POLI: variants seen among roughly 807,000 people sequenced by gnomAD.
The protein encoded by POLI is DNA polymerase iota.
POLI carries 58 observed loss-of-function variants against 51.6 expected under a neutral mutation model. That is an observed-to-expected ratio of 1.12 (90% CI 0.91 to 1.40). The LOEUF is 1.40. POLI is among the 40% of genes most tolerant of loss of function. POLI has a pLI of 0.00. For synonymous variants in POLI, 322 were observed against 299.7 expected (o/e 1.07, Z -0.77); for missense variants, 921 against 871.3 (o/e 1.06, Z -0.72).
intron 4 of POLI, among the ~76,000 whole-genome samples, chr18:54,280,420 A>G (rs2087442115): frequency 1.3e-5 from 2 of 152,142 alleles, no homozygotes; most frequent in African/African-American, 4.8e-5. Context: ...GCTTTAATCT[A>G]TTCATGAGGG....
chr18:54,271,518 TAATG>T, intron 2 of POLI, 33 bp downstream of exon 2: 3 of 1,410,490 alleles, frequency 2.1e-6, no homozygotes, highest in Non-Finnish European at 2.9e-6. Context: ...TTTAATTGCA[TAATG>T]ATTAGATTAG....
chr18:54,273,987 GA>G lies in POLI; in HGVS notation c.306del (p.Lys102AsnfsTer3). 1 of 1,583,578 alleles carries G rather than the reference GA, an allele frequency of 6.3e-7. No homozygotes were observed. The highest frequency in any genetic ancestry group is 8.6e-7 in the Non-Finnish European group (1 of 1,163,136). ...ATGAAGCTAGGAAACTTGGAGTTAA[GA>G]AACTTATGAATGTCAGAGATGCAAA... Reference protein sequence around the residue: ...NYEARKLGVKKLMNVRDAKEK... With the variant: ...NYEARKLGVKXLMNVRDAKEK... On this transcript the variant is annotated frameshift_variant, in exon 3 of 10. Coordinates refer to ENST00000579534, the MANE Select transcript of POLI (RefSeq NM_007195.3). LOFTEE classifies it high-confidence loss of function.
At position 54,284,003 on chromosome 18, in the gene POLI, C is replaced by G; in HGVS notation, c.1057C>G (p.Leu353Val). The change falls in exon 7 of 10, where the codon CTT becomes GTT. Residue 353 changes from leucine (L) to valine (V), a missense_variant. Transcript: ENST00000579534. ...TAAGATTGAAGAACTACTTGCTAGT[C>G]TTTTAAACAGGTGATTTTCAATCCA... ...KNKIEELLAS[L>V]LNRVCQDGRK... 7.2e-7 allele frequency: 1 copy of G among 1,385,928 alleles called. No individual in the cohort carries two copies. The highest frequency in any genetic ancestry group is 1.0e-6 in the Non-Finnish European group (1 of 989,482). The allele number at this position is 1,385,928 out of a possible 1,614,324, so 85.9% of individuals were successfully genotyped here.
intron 8 of POLI, among the ~76,000 whole-genome samples, chr18:54,290,901 A>C (rs1471466705): frequency 1.3e-5 from 2 of 152,164 alleles, no homozygotes; most frequent in African/African-American, 2.4e-5. Context: ...AGGTGTAGCA[A>C]ACTAACACGG....
intron 2 of POLI, 69 bp downstream of exon 2, chr18:54,271,554 T>A: frequency 1.9e-6 from 2 of 1,062,970 alleles, no homozygotes; most frequent in Non-Finnish European, 2.7e-6. Context: ...GCTCATTATA[T>A]ACTGATTTAT....
At chr18:54,306,573 A>G (rs531159365) in intron 3 of POLI, among the ~76,000 whole-genome samples, 89 of 152,276 alleles carry the variant, frequency 5.8e-4, no homozygotes, top group African/African-American at 2.1e-3. Context: ...TGGTATCAGG[A>G]TGATGCTGGC....
intron 2 of POLI, among the ~76,000 whole-genome samples, chr18:54,272,011 G>A (rs768715187): frequency 3.3e-5 from 5 of 152,132 alleles, no homozygotes; most frequent in Non-Finnish European, 2.9e-5. Flanking sequence ...TTGGATATTT[G>A]TTGATATGCT....
rs1422678602 is a variant in POLI, at chr18:54,296,597, T to C, written c.*2130T>C. 6.2e-6 allele frequency: 1 copy of C among 160,672 alleles called. No individual in the cohort carries two copies. The highest frequency in any genetic ancestry group is 1.3e-5 in the Non-Finnish European group (1 of 75,850). 10.0% of individuals were successfully genotyped at this position (160,672 alleles called of 1,614,324 possible). On this transcript the variant is annotated 3_prime_UTR_variant, in exon 10 of 10. Transcript: ENST00000579534. The stretch of plus-strand genomic sequence containing the variant: ...ATATTTCTTCTCTATTCTAGGACTG[T>C]ATACAAATGATAGACTTTCTTACTG...
intron 2 of POLI, among the ~76,000 whole-genome samples, chr18:54,273,001 A>G (rs1367724647): frequency 6.7e-6 from 1 of 149,508 alleles, no homozygotes; most frequent in African/African-American, 2.6e-5. Flanking sequence ...ACAATGTCTA[A>G]TAGAGAAGTG....
downstream of POLI, among the ~76,000 whole-genome samples, chr18:54,298,659 T>G (rs1408218526): frequency 1.3e-5 from 2 of 149,620 alleles, no homozygotes; most frequent in African/African-American, 4.9e-5. Flanking sequence ...GGTGTGATCT[T>G]GACTCACTGC....
intron 3 of POLI, among the ~76,000 whole-genome samples, chr18:54,275,752 G>A (rs1304454366): frequency 1.3e-5 from 2 of 152,046 alleles, no homozygotes; most frequent in Non-Finnish European, 2.9e-5. Flanking sequence ...ACTTGCACCT[G>A]TTTTTAATTT....
chr18:54,269,804 C>T (rs2086919419), intron 1 of POLI, 143 bp downstream of exon 1: 1 of 1,369,640 alleles, frequency 7.3e-7, no homozygotes. Flanking sequence ...CCTCCCTCTG[C>T]CTTGTGTTAC....
At chr18:54,293,623 A>G (rs780768069) in intron 9 of POLI, 26 bp from the exon 10 acceptor site, 1 of 1,456,480 alleles carries the variant, frequency 6.9e-7, no homozygotes, top group South Asian at 1.4e-5. Context: ...AGATATGTAA[A>G]TTAGTCTGTT....
intron 8 of POLI, among the ~76,000 whole-genome samples, chr18:54,289,743 A>G (rs1221828633): frequency 2.6e-5 from 4 of 152,186 alleles, no homozygotes; most frequent in Admixed American, 6.5e-5. Context: ...TTCCCTATAT[A>G]ATAAATGGTG....
At chr18:54,302,903 T>C (rs760998088), downstream of POLI, among the ~76,000 whole-genome samples, 7 of 152,200 alleles carry the variant, frequency 4.6e-5, no homozygotes, top group Non-Finnish European at 8.8e-5. Flanking sequence ...TAATTTCACT[T>C]AACATAACAA....
chr18:54,312,716 A>AT (rs1010009766), intron 3 of POLI, among the ~76,000 whole-genome samples: 2 of 151,980 alleles, frequency 1.3e-5, no homozygotes, highest in Non-Finnish European at 2.9e-5. Flanking sequence ...AGTGATAAGC[A>AT]TTTTTTTCAT....
downstream of POLI, among the ~76,000 whole-genome samples, chr18:54,301,668 C>T (rs1486826882): frequency 6.6e-6 from 1 of 152,148 alleles, no homozygotes; most frequent in Non-Finnish European, 1.5e-5. Context: ...GAATTCTGAA[C>T]TCTAGCTGTT....
rs562514801 is a variant in POLI at position 54,292,128 on chromosome 18, A to G, written c.1404+90A>G. ...ACAAATCTAAGTGCTTGTCTTTTTG[A>G]TATAGTTTAGAGATTCTTTTGGGTG... On this transcript the variant is annotated intron_variant, in intron 9 of 9. Transcript: ENST00000579534. 2.6e-4 allele frequency: 207 copies of G among 796,284 alleles called. No individual in the cohort carries two copies. The African/African-American group carries it at 3.4e-3, about 13-fold the overall frequency. 49.3% of individuals were successfully genotyped at this position (796,284 alleles called of 1,614,324 possible). A position where few individuals can be genotyped will look rare whatever the true frequency, so the allele number is the denominator to read the frequency against.
intron 2 of POLI, 73 bp downstream of exon 2, chr18:54,271,558 G>A: frequency 9.6e-7 from 1 of 1,045,636 alleles, no homozygotes; most frequent in Non-Finnish European, 1.4e-6. Flanking sequence ...ATTATATACT[G>A]ATTTATTAAC....
Sources: gnomAD v4.1 joint callset for allele counts (sites outside exome capture counted in the v4.1 genomes callset) on GRCh38, gnomAD v4.1.1 for gene constraint, MANE v1.5 for transcripts, NCBI Gene and HGNC (gene_info 2026-07-23, HGNC 2026-07-21) for gene names.